RBFOX1: variants seen among roughly 807,000 people sequenced by gnomAD.
RBFOX1 encodes the protein RNA binding protein fox-1 homolog 1.
In RBFOX1, 8 loss-of-function variants were observed where a neutral mutation model predicts 57.7. The ratio of observed to expected loss-of-function variants is 0.14; its 90% CI spans 0.08 to 0.25. The LOEUF (loss-of-function observed/expected upper bound fraction) is 0.25. RBFOX1 is among the 10% of genes least tolerant of loss of function. The pLI, the probability that RBFOX1 is intolerant of heterozygous loss-of-function variation, is 1.00. For missense variants in RBFOX1, 611 were observed against 548.5 expected, an observed-to-expected ratio of 1.11 and a Z score of -1.14; for synonymous variants, 326 against 222.4, an observed-to-expected ratio of 1.47 and a Z score of -4.15.
intron 2 of RBFOX1, among the ~76,000 whole-genome samples, chr16:5,575,506 G>C (rs532560073): frequency 1.3e-4 from 20 of 152,318 alleles, no homozygotes; most frequent in South Asian, 2.1e-4. Flanking sequence ...AGCCATCACA[G>C]TCTGTCTGGA....
chr16:6,211,825 T>C (rs1012848174), intron 1 of RBFOX1, among the ~76,000 whole-genome samples: 1 of 92,948 alleles, frequency 1.1e-5, no homozygotes, highest in African/African-American at 3.7e-5. Context: ...ACATCTTTTA[T>C]TTATTTATTT....
intron 2 of RBFOX1, among the ~76,000 whole-genome samples, chr16:6,368,345 C>G (rs2089965791): frequency 6.6e-6 from 1 of 152,224 alleles, no homozygotes. Flanking sequence ...AGGGCAGAAC[C>G]AGATAATGAA....
At chr16:5,863,308 C>G (rs1159832864) in intron 3 of RBFOX1, among the ~76,000 whole-genome samples, 1 of 152,222 alleles carries the variant, frequency 6.6e-6, no homozygotes, top group Non-Finnish European at 1.5e-5. Flanking sequence ...TGGAAGTTTC[C>G]CACGTCCGTT....
At chr16:6,761,176 A>G (rs2076544658) in intron 3 of RBFOX1, among the ~76,000 whole-genome samples, 1 of 152,166 alleles carries the variant, frequency 6.6e-6, no homozygotes, top group South Asian at 2.1e-4. Context: ...GTGAATCTGT[A>G]CTTTATTTTA....
At chr16:6,549,629 T>C (rs111418485) in intron 2 of RBFOX1, among the ~76,000 whole-genome samples, 2,724 of 151,684 alleles carry the variant, frequency 0.018, 81 homozygotes, top group African/African-American at 0.062. Flanking sequence ...AGGGAAGGCT[T>C]TGATTGGCTA....
At chr16:6,704,461 T>A (rs564047743) in intron 3 of RBFOX1, 1 of 152,430 alleles carries the variant, frequency 6.6e-6, no homozygotes, top group South Asian at 2.1e-4. Flanking sequence ...CTCAGGACTT[T>A]CCTCTTCACA....
At chr16:5,357,683 G>T (rs1053660121) in intron 1 of RBFOX1, among the ~76,000 whole-genome samples, 1 of 152,198 alleles carries the variant, frequency 6.6e-6, no homozygotes, top group African/African-American at 2.4e-5. Context: ...GGTTTCAGCA[G>T]AGTCTTAAGG....
chr16:7,408,820 A>G (rs1159532969), intron 4 of RBFOX1, among the ~76,000 whole-genome samples: 2 of 152,070 alleles, frequency 1.3e-5, no homozygotes, highest in Admixed American at 6.6e-5. Flanking sequence ...ATGTCTCCAG[A>G]TACTGCCATT....
chr16:5,772,632 G>A (rs1019302079), intron 3 of RBFOX1, among the ~76,000 whole-genome samples: 62 of 152,272 alleles, frequency 4.1e-4, no homozygotes, highest in South Asian at 4.1e-4. Context: ...GGATGGTGGC[G>A]GTGATCTATT....
chr16:7,070,681 G>T (rs2057145869), intron 4 of RBFOX1, among the ~76,000 whole-genome samples: 1 of 152,184 alleles, frequency 6.6e-6, no homozygotes, highest in Non-Finnish European at 1.5e-5. Flanking sequence ...AGTGATTTGG[G>T]AGCACAGCTT....
chr16:5,457,371 G>T (rs185188569), intron 1 of RBFOX1, among the ~76,000 whole-genome samples: 1 of 152,176 alleles, frequency 6.6e-6, no homozygotes, highest in Non-Finnish European at 1.5e-5. Context: ...CTGACCTCAG[G>T]TGATCCATCT....
chr16:5,586,442 C>T (rs2046831249), intron 2 of RBFOX1, among the ~76,000 whole-genome samples: 1 of 152,204 alleles, frequency 6.6e-6, no homozygotes, highest in South Asian at 2.1e-4. Context: ...ATTTCATTTA[C>T]TTCTGACTCA....
intron 3 of RBFOX1, among the ~76,000 whole-genome samples, chr16:6,919,006 AGT>A (rs1246985813): frequency 6.6e-6 from 1 of 152,132 alleles, no homozygotes; most frequent in Non-Finnish European, 1.5e-5. Context: ...TTTGAGGCAG[AGT>A]GTTGCTCATT....
rs554878860 is a variant in RBFOX1, at chr16:6,483,748, A to T, written c.-64+166691A>T. 4.6e-5 allele frequency: 66 copies of T among 1,428,480 alleles called. 2 individuals are homozygous for T. The South Asian group carries it at 9.9e-4, about 21-fold the overall frequency. 88.5% of individuals were successfully genotyped at this position (1,428,480 alleles called of 1,614,324 possible). On this transcript the variant is annotated intron_variant, in intron 2 of 15. Transcript: ENST00000550418. Reference sequence around the variant, plus strand: ...TGACATTTTTGGCTGCCTGTGGCAGAGGAGCAGCCGTCAGCCGCTGTCCAA... The same window carrying T: ...TGACATTTTTGGCTGCCTGTGGCAGTGGAGCAGCCGTCAGCCGCTGTCCAA...
intron 3 of RBFOX1, among the ~76,000 whole-genome samples, chr16:6,769,958 C>G (rs578212449): frequency 3.3e-5 from 5 of 152,090 alleles, no homozygotes; most frequent in East Asian, 1.9e-4. Context: ...ATCTATGTGC[C>G]TTATGCCTGC....
intron 3 of RBFOX1, among the ~76,000 whole-genome samples, chr16:5,695,389 A>G (rs2050816027): frequency 6.6e-6 from 1 of 152,166 alleles, no homozygotes; most frequent in Non-Finnish European, 1.5e-5. Context: ...GCAGGATGGT[A>G]AATCGCTTAG....
intron 4 of RBFOX1, among the ~76,000 whole-genome samples, chr16:7,452,956 C>G (rs1430107591): frequency 2.0e-5 from 3 of 151,854 alleles, no homozygotes; most frequent in Non-Finnish European, 4.4e-5. Context: ...TGGTGAAAAA[C>G]CATCTCCACT....
chr16:5,690,818 G>T (rs2050653423), intron 3 of RBFOX1, among the ~76,000 whole-genome samples: 1 of 152,124 alleles, frequency 6.6e-6, no homozygotes. Context: ...GAAGTTTCCT[G>T]ATGAGTACAG....
At chr16:5,330,974 T>G (rs1368972248) in intron 1 of RBFOX1, among the ~76,000 whole-genome samples, 1 of 55,076 alleles carries the variant, frequency 1.8e-5, no homozygotes, top group Non-Finnish European at 5.9e-5. Context: ...ATACCCAGGC[T>G]CTCTGGTGGT....
Sources: allele counts gnomAD v4.1 joint callset (sites outside exome capture counted in the v4.1 genomes callset), GRCh38; gene constraint gnomAD v4.1.1; transcripts MANE v1.5; gene names NCBI Gene and HGNC (gene_info 2026-07-23, HGNC 2026-07-21).